Variants in CCDC148 observed in about 807,000 individuals in gnomAD.
The protein encoded by CCDC148 is coiled-coil domain containing 148.
In CCDC148, 89 loss-of-function variants were observed where a neutral mutation model predicts 85.7. The ratio of observed to expected loss-of-function variants is 1.04; its 90% CI spans 0.87 to 1.24. CCDC148 has a LOEUF of 1.24. Ranked by LOEUF, CCDC148 falls within the 50% of genes most tolerant of loss-of-function variation. The pLI, the probability that CCDC148 is intolerant of heterozygous loss-of-function variation, is 0.00. For synonymous variants in CCDC148, 230 were observed against 213.9 expected (o/e 1.08, Z -0.66); for missense variants, 692 against 671.7 (o/e 1.03, Z -0.33).
chr2:158,402,461 T>C (rs926311009), intron 1 of CCDC148, among the ~76,000 whole-genome samples: 3 of 151,272 alleles, frequency 2.0e-5, no homozygotes, highest in Admixed American at 6.6e-5. Flanking sequence ...TATCAAAACC[T>C]GGACCAGCAT....
intron 2 of CCDC148, among the ~76,000 whole-genome samples, chr2:158,351,745 G>A (rs1306651221): frequency 5.3e-5 from 8 of 151,742 alleles, no homozygotes; most frequent in African/African-American, 7.3e-5. Flanking sequence ...AGGCCTGCCT[G>A]CCTCTGTAGG....
chr2:158,403,711 C>A (rs72942398), intron 1 of CCDC148, among the ~76,000 whole-genome samples: 6 of 137,812 alleles, frequency 4.4e-5, no homozygotes, highest in South Asian at 2.2e-4. Context: ...CACACACAAA[C>A]ACATGCAAAC....
intron 5 of CCDC148, among the ~76,000 whole-genome samples, chr2:158,339,731 A>C (rs1682575899): frequency 6.6e-6 from 1 of 152,190 alleles, no homozygotes; most frequent in African/African-American, 2.4e-5. Flanking sequence ...AGTCACATCA[A>C]CAGGACAGAG....
intron 1 of CCDC148, among the ~76,000 whole-genome samples, chr2:158,413,237 C>G (rs2105316456): frequency 6.6e-6 from 1 of 152,082 alleles, no homozygotes; most frequent in East Asian, 1.9e-4. Context: ...CAGTCTCTCT[C>G]AAACATATTA....
intron 1 of CCDC148, among the ~76,000 whole-genome samples, chr2:158,450,150 G>A (rs902811024): frequency 6.6e-6 from 1 of 152,272 alleles, no homozygotes; most frequent in African/African-American, 2.4e-5. Context: ...AAAGGGCCAG[G>A]CATCACGGCT....
rs141011086 is a variant in CCDC148 at position 158,344,960 on chromosome 2, G to A, written c.251+255C>T. Among the ~76,000 whole-genome samples, 2 of 152,188 alleles carry A rather than the reference G, an allele frequency of 1.3e-5. 1 individual carries two copies. The highest frequency in any genetic ancestry group is 3.9e-4 in the East Asian group (2 of 5,180). ...TACAAGTAAATACAAGTATGAGAGT[G>A]GGAGTGTGGAAGTGATTGACACATA... On this transcript the variant is annotated intron_variant, in intron 3 of 13. Transcript: ENST00000283233.
chr2:158,355,810 C>T (rs1365139633), intron 2 of CCDC148, among the ~76,000 whole-genome samples: 3 of 134,374 alleles, frequency 2.2e-5, no homozygotes, highest in Admixed American at 2.1e-4. Flanking sequence ...GGAGGCATCA[C>T]ACTACTTGAC....
At chr2:158,238,240 A>G (rs911210842) in intron 10 of CCDC148, among the ~76,000 whole-genome samples, 1 of 151,964 alleles carries the variant, frequency 6.6e-6, no homozygotes, top group Non-Finnish European at 1.5e-5. Context: ...GGTGGGAGAG[A>G]AATTGGGATA....
At chr2:158,298,639 T>A (rs771103954) in intron 9 of CCDC148, among the ~76,000 whole-genome samples, 66 of 152,314 alleles carry the variant, frequency 4.3e-4, no homozygotes, top group Non-Finnish European at 7.2e-4. Context: ...CTATGCCCAG[T>A]CTGCTGATAA....
intron 7 of CCDC148, among the ~76,000 whole-genome samples, chr2:158,323,684 G>T (rs1692623357): frequency 6.6e-6 from 1 of 152,106 alleles, no homozygotes; most frequent in South Asian, 2.1e-4. Flanking sequence ...TGGGGAAATT[G>T]CTCACCTTCC....
At chr2:158,195,916 A>T (rs1159129272) in intron 11 of CCDC148, among the ~76,000 whole-genome samples, 1 of 152,162 alleles carries the variant, frequency 6.6e-6, no homozygotes, top group Non-Finnish European at 1.5e-5. Context: ...CAGGGGAGGC[A>T]GCACAGCAGA....
In CCDC148 at chr2:158,358,490, T is replaced by G. The variant is rs1683773919; in HGVS notation, c.106A>C (p.Thr36Pro). The change falls in exon 2 of 14, where the codon ACT becomes CCT. Residue 36 changes from threonine to proline, a missense_variant. Transcript: ENST00000283233. Reference protein sequence around the residue: ...PVDYQQLRALTEAKKLASASA... With the variant: ...PVDYQQLRALPEAKKLASASA... ...GCAGAAGCCAATTTCTTTGCTTCAGTTAATGCACGCAATTGTTGATAGTCT... is the reference window on the plus strand; with the variant it reads ...GCAGAAGCCAATTTCTTTGCTTCAGGTAATGCACGCAATTGTTGATAGTCT... The G allele has an allele frequency of 6.2e-7, 1 of 1,608,516 alleles. No homozygotes were observed. The highest frequency in any genetic ancestry group is 1.3e-5 in the African/African-American group (1 of 74,648).
chr2:158,200,516 G>A (rs1685901920), intron 11 of CCDC148, among the ~76,000 whole-genome samples: 1 of 152,208 alleles, frequency 6.6e-6, no homozygotes, highest in African/African-American at 2.4e-5. Flanking sequence ...CTGAGAAGCT[G>A]TGACAGAGAC....
At chr2:158,176,002 T>C (rs1256000877) in intron 13 of CCDC148, among the ~76,000 whole-genome samples, 2 of 152,056 alleles carry the variant, frequency 1.3e-5, no homozygotes, top group Admixed American at 1.3e-4. Context: ...AAATGAACCC[T>C]AGGTTCCTAG....
At chr2:158,413,820 G>A (rs1470473856) in intron 1 of CCDC148, among the ~76,000 whole-genome samples, 2 of 152,150 alleles carry the variant, frequency 1.3e-5, no homozygotes, top group Non-Finnish European at 2.9e-5. Context: ...CCCTTGGGCT[G>A]TAATTTGTTA....
chr2:158,435,459 C>A (rs1172930789), intron 1 of CCDC148, among the ~76,000 whole-genome samples: 1 of 152,182 alleles, frequency 6.6e-6, no homozygotes, highest in African/African-American at 2.4e-5. Flanking sequence ...TCCTGCCTTA[C>A]AAGAGCTCCT....
At chr2:158,254,530 G>A (rs1279578076) in intron 9 of CCDC148, among the ~76,000 whole-genome samples, 1 of 151,544 alleles carries the variant, frequency 6.6e-6, no homozygotes, top group African/African-American at 2.4e-5. Flanking sequence ...ACTAAAAAAT[G>A]TATTGAAAAA....
At chr2:158,362,643 A>G (rs1414623864) in intron 1 of CCDC148, among the ~76,000 whole-genome samples, 3 of 152,236 alleles carry the variant, frequency 2.0e-5, no homozygotes, top group African/African-American at 7.2e-5. Context: ...ACAAGGTACC[A>G]GAATCTCTGG....
intron 1 of CCDC148, among the ~76,000 whole-genome samples, chr2:158,410,654 T>C (rs1255511813): frequency 6.6e-6 from 1 of 152,154 alleles, no homozygotes; most frequent in Non-Finnish European, 1.5e-5. Flanking sequence ...ATACACACGT[T>C]GTGTTCTTAC....
Sources: gnomAD v4.1 joint callset for allele counts (sites outside exome capture counted in the v4.1 genomes callset) on GRCh38, gnomAD v4.1.1 for gene constraint, MANE v1.5 for transcripts, NCBI Gene and HGNC (gene_info 2026-07-23, HGNC 2026-07-21) for gene names.